MYO5A: variants seen among roughly 807,000 people sequenced by gnomAD.
MYO5A encodes unconventional myosin-Va.
A neutral mutation model predicts 249.7 loss-of-function variants in MYO5A; 98 were observed. The observed-to-expected ratio is 0.39, with a 90% CI of 0.33 to 0.46. The LOEUF (loss-of-function observed/expected upper bound fraction) is 0.46, where lower values mean the gene tolerates loss of function less well. MYO5A is among the 20% of genes least tolerant of loss of function. The probability of loss-of-function intolerance (pLI) is 0.98; values close to 1 mark genes in which losing one functional copy is unlikely to be tolerated. For synonymous variants in MYO5A, 778 were observed against 810.6 expected, an observed-to-expected ratio of 0.96 and a Z score of 0.68; for missense variants, 1,696 against 2,308.8, an observed-to-expected ratio of 0.73 and a Z score of 5.44.
At chr15:52,489,522 C>T (rs889778765) in intron 1 of MYO5A, among the ~76,000 whole-genome samples, 1 of 150,990 alleles carries the variant, frequency 6.6e-6, no homozygotes, top group African/African-American at 2.4e-5. Flanking sequence ...CAAGATCGTG[C>T]CAGGGCACTC....
At chr15:52,335,558 C>T (rs947030296) in intron 34 of MYO5A, among the ~76,000 whole-genome samples, 80 of 149,344 alleles carry the variant, frequency 5.4e-4, no homozygotes, top group African/African-American at 1.9e-3. Flanking sequence ...TGGCTTTAGC[C>T]TTGTTCACTG....
intron 36 of MYO5A, among the ~76,000 whole-genome samples, chr15:52,324,700 A>C (rs1001345875): frequency 6.6e-6 from 1 of 152,232 alleles, no homozygotes; most frequent in East Asian, 1.9e-4. Context: ...GTAAAAGTGC[A>C]CAGGATATAT....
intron 1 of MYO5A, among the ~76,000 whole-genome samples, chr15:52,478,209 G>T (rs543665264): frequency 2.0e-5 from 3 of 152,362 alleles, no homozygotes; most frequent in East Asian, 3.9e-4. Context: ...GACCCTCCGA[G>T]CCAGGCGCGG....
chr15:52,520,472 T>G (rs574166670), intron 1 of MYO5A, among the ~76,000 whole-genome samples: 223 of 152,276 alleles, frequency 1.5e-3, no homozygotes, highest in African/African-American at 5.2e-3. Context: ...GACCATCTTT[T>G]CACCCCTAAA....
At chr15:52,491,116 A>T (rs1248435082) in intron 1 of MYO5A, among the ~76,000 whole-genome samples, 1 of 152,188 alleles carries the variant, frequency 6.6e-6, no homozygotes, top group Non-Finnish European at 1.5e-5. Context: ...TTTACAATTT[A>T]ATTTTTTTAA....
At chr15:52,330,289 T>C in intron 35 of MYO5A, 64 bp downstream of exon 35, 2 of 1,600,818 alleles carry the variant, frequency 1.2e-6, no homozygotes, top group Non-Finnish European at 1.7e-6. Flanking sequence ...AATTAGTGAC[T>C]AGTTTTTCCC....
At chr15:52,341,471 C>G (rs1171554549) in intron 31 of MYO5A, among the ~76,000 whole-genome samples, 1 of 152,172 alleles carries the variant, frequency 6.6e-6, no homozygotes, top group African/African-American at 2.4e-5. Flanking sequence ...GTGAGAACAC[C>G]AGAGTCAGAG....
chr15:52,395,260 T>A (rs1353301892), intron 11 of MYO5A, among the ~76,000 whole-genome samples: 2 of 152,132 alleles, frequency 1.3e-5, no homozygotes, highest in African/African-American at 4.8e-5. Flanking sequence ...AAGGCTAAAT[T>A]CACATACAAC....
At chr15:52,423,043 T>C (rs1481350886) in intron 4 of MYO5A, among the ~76,000 whole-genome samples, 1 of 152,160 alleles carries the variant, frequency 6.6e-6, no homozygotes, top group Non-Finnish European at 1.5e-5. Flanking sequence ...TTGTTAATCA[T>C]GCCTGACTTC....
At chr15:52,459,031 G>A (rs549895538) in intron 1 of MYO5A, among the ~76,000 whole-genome samples, 28 of 151,216 alleles carry the variant, frequency 1.9e-4, no homozygotes, top group Non-Finnish European at 4.0e-4. Flanking sequence ...AAGGGGTCTC[G>A]CTCTGTTGCC....
rs557660714 is a variant in MYO5A at position 52,352,644 on chromosome 15, G to C, written c.3621+961C>G. Among the ~76,000 whole-genome samples the C allele has an allele frequency of 3.3e-5, 5 of 152,142 alleles. No individual in the cohort carries two copies. The South Asian group carries it at 8.3e-4, about 25-fold the overall frequency. On this transcript the variant is annotated intron_variant, in intron 27 of 41. Transcript: ENST00000399233. ...AAAAAATACAAAAAATCAGCCGGGC[G>C]TGGTGGCGGGCACCTGTAGTCCCAG... is the stretch of plus-strand genomic sequence containing the variant.
chr15:52,368,819 T>A (rs2040947627), intron 22 of MYO5A, among the ~76,000 whole-genome samples: 2 of 152,180 alleles, frequency 1.3e-5, no homozygotes, highest in Non-Finnish European at 2.9e-5. Context: ...TGAATCTGCT[T>A]GTGTGTTTAT....
chr15:52,430,116 C>T (rs1180795411), intron 2 of MYO5A, among the ~76,000 whole-genome samples: 1 of 152,102 alleles, frequency 6.6e-6, no homozygotes, highest in Non-Finnish European at 1.5e-5. Context: ...CATATTTGAA[C>T]GAATTATGCT....
chr15:52,333,877 A>G (rs1336235583), intron 34 of MYO5A, among the ~76,000 whole-genome samples: 1 of 152,260 alleles, frequency 6.6e-6, no homozygotes, highest in East Asian at 1.9e-4. Flanking sequence ...ACAGGCAGAT[A>G]CGAGGATGAA....
intron 1 of MYO5A, among the ~76,000 whole-genome samples, chr15:52,442,812 G>A (rs1409384805): frequency 6.7e-6 from 1 of 149,312 alleles, no homozygotes; most frequent in Non-Finnish European, 1.5e-5. Flanking sequence ...CTGGAGTGCA[G>A]TGGCACGATC....
chr15:52,389,495 G>T, intron 12 of MYO5A, 132 bp from the exon 13 acceptor site: 1 of 843,442 alleles, frequency 1.2e-6, no homozygotes. Flanking sequence ...CAATTTAGGA[G>T]TTCATTCCTT....
In MYO5A at chr15:52,346,656, G is replaced by A. The variant is rs1438280664; in HGVS notation, c.3859-195C>T. 4 of 668,506 alleles carry A rather than the reference G, an allele frequency of 6.0e-6. No individual in the cohort carries two copies. In the Admixed American group the frequency reaches 6.1e-5, roughly 10 times the overall value. The allele number at this position is 668,506 out of a possible 1,614,324, so 41.4% of individuals were successfully genotyped here. ...AGGTAGTTGAGAAGAGGTACCTTCA[G>A]TTTTTCTCCTGAGAAACACTAGCAC... On this transcript the variant is annotated intron_variant, in intron 29 of 41. Coordinates refer to ENST00000399233, the MANE Select transcript of MYO5A (RefSeq NM_001382347.1).
rs371047285 is a variant in MYO5A, at chr15:52,370,224, G to A, written c.3011C>T (p.Ser1004Leu). Residue 1004 changes from serine (S) to leucine (L), a missense_variant, in exon 22 of 42, where the codon TCA becomes TTA. Ser to Leu is a moderately radical substitution (Grantham distance 145). Transcript: ENST00000399233. ...KLRKDLEQTR[S>L]EKKCIEEHAD... is the part of the protein sequence containing the mutation. ...ATGTTCCTCAATGCATTTTTTCTCT[G>A]AACGAGTTTGCTCCAGGTCTTTCCG... 1.2e-6 allele frequency: 2 copies of A among 1,613,900 alleles called. No homozygotes were observed. The highest frequency in any genetic ancestry group is 1.7e-6 in the Non-Finnish European group (2 of 1,180,004).
intron 14 of MYO5A, among the ~76,000 whole-genome samples, chr15:52,385,637 A>C (rs2041943285): frequency 6.6e-6 from 1 of 152,010 alleles, no homozygotes; most frequent in Non-Finnish European, 1.5e-5. Flanking sequence ...AAGACAAAAC[A>C]CATAAATACA....
Sources: allele counts gnomAD v4.1 joint callset (sites outside exome capture counted in the v4.1 genomes callset), GRCh38; gene constraint gnomAD v4.1.1; transcripts MANE v1.5; gene names NCBI Gene and HGNC (gene_info 2026-07-23, HGNC 2026-07-21).